The following GNG7 variants were observed in gnomAD, a reference collection of about 807,000 sequenced individuals.
GNG7 encodes guanine nucleotide-binding protein G(I)/G(S)/G(O) subunit gamma-7.
A neutral mutation model predicts 4.0 loss-of-function variants in GNG7; 1 was observed. The observed-to-expected ratio is 0.25, with a 90% confidence interval of 0.09 to 1.18. The LOEUF is 1.18. Ranked by LOEUF, GNG7 falls within the 50% of genes most tolerant of loss-of-function variation. The pLI is 0.50. For synonymous variants in GNG7, 34 were observed against 36.9 expected (o/e 0.92, Z 0.29); for missense variants, 86 against 91.9 (o/e 0.94, Z 0.26).
chr19:2,686,248 C>G (rs972736723), intron 1 of GNG7, among the ~76,000 whole-genome samples: 1 of 152,028 alleles, frequency 6.6e-6, no homozygotes, highest in Non-Finnish European at 1.5e-5. Flanking sequence ...ACCTCCGCCA[C>G]CCGCGTTCAA....
chr19:2,543,898 T>G (rs1268827843), intron 3 of GNG7, among the ~76,000 whole-genome samples: 1 of 152,136 alleles, frequency 6.6e-6, no homozygotes, highest in Non-Finnish European at 1.5e-5. Flanking sequence ...AGAAGCAACC[T>G]TCATCTGGCT....
rs758973520 is a variant in GNG7 at position 2,514,986 on chromosome 19, A to AAG, written c.*34_*35dup. ...ACAGAGACAGAGAGAGAGAGAGAGA[A>AAG]AGAGAGAGAGAGAGAGAGAACATAT... is the stretch of plus-strand genomic sequence containing the variant. On this transcript the variant is annotated 3_prime_UTR_variant, in exon 5 of 5. Transcript: ENST00000382159. 526 of 1,053,092 alleles carry AAG rather than the reference A, an allele frequency of 5.0e-4. No homozygotes were observed. Among genetic ancestry groups the AAG allele is most frequent in the Admixed American group, 1.0e-3 (44 of 43,842 alleles). The allele number at this position is 1,053,092 out of a possible 1,614,324, so 65.2% of individuals were successfully genotyped here.
intron 2 of GNG7, among the ~76,000 whole-genome samples, chr19:2,621,109 G>C (rs925857604): frequency 1.3e-5 from 2 of 152,140 alleles, no homozygotes; most frequent in African/African-American, 4.8e-5. Context: ...CACCCCAGGA[G>C]CTTCCTGAGA....
chr19:2,622,478 C>T (rs1019422355), intron 2 of GNG7, among the ~76,000 whole-genome samples: 1 of 152,256 alleles, frequency 6.6e-6, no homozygotes, highest in Admixed American at 6.5e-5. Flanking sequence ...CAGGGAAAGC[C>T]CCCGAAACTG....
intron 2 of GNG7, among the ~76,000 whole-genome samples, chr19:2,584,882 TAGAGGGAG>T (rs1409616609): frequency 1.8e-4 from 1 of 5,562 alleles, no homozygotes; most frequent in Non-Finnish European, 2.8e-4. Context: ...GAGGGAGGGA[TAGAGGGAG>T]GGAGGGAGGG....
In GNG7 at chr19:2,605,283, C is replaced by T. The variant is rs568804938; in HGVS notation, c.-78+40941G>A. ...ACACCATCTCGGCTCACTGCAACCT[C>T]CGCCTCCTGGGTTCAAGTGATTCTC... On this transcript the variant is annotated intron_variant, in intron 2 of 4. Coordinates refer to ENST00000382159, the MANE Select transcript of GNG7 (RefSeq NM_052847.3). Among the ~76,000 whole-genome samples, 696 of 152,272 alleles carry T rather than the reference C, an allele frequency of 4.6e-3. 5 individuals are homozygous for T. The highest frequency in any genetic ancestry group is 0.016 in the African/African-American group (653 of 41,560).
intron 3 of GNG7, among the ~76,000 whole-genome samples, chr19:2,552,541 CGCCT>C (rs2144758911): frequency 6.6e-6 from 1 of 151,972 alleles, no homozygotes; most frequent in South Asian, 2.1e-4. Flanking sequence ...CCCACCACCA[CGCCT>C]GGCTAATTTT....
chr19:2,601,544 G>A (rs1169993222), intron 2 of GNG7, among the ~76,000 whole-genome samples: 1 of 152,112 alleles, frequency 6.6e-6, no homozygotes, highest in Non-Finnish European at 1.5e-5. Flanking sequence ...TTTGGCAGCA[G>A]GAAAAGAGAG....
chr19:2,624,088 G>C (rs1020459738), intron 2 of GNG7, among the ~76,000 whole-genome samples: 1 of 152,048 alleles, frequency 6.6e-6, no homozygotes, highest in African/African-American at 2.4e-5. Flanking sequence ...CGGGGACAGA[G>C]ATTCAGTCTG....
intron 2 of GNG7, among the ~76,000 whole-genome samples, chr19:2,601,366 G>A (rs1981193343): frequency 6.6e-6 from 1 of 152,114 alleles, no homozygotes; most frequent in African/African-American, 2.4e-5. Context: ...CCAGTTACCA[G>A]GCAGTGTGTT....
intron 2 of GNG7, among the ~76,000 whole-genome samples, chr19:2,628,789 GC>G (rs1465859350): frequency 6.6e-6 from 1 of 152,088 alleles, no homozygotes; most frequent in Non-Finnish European, 1.5e-5. Context: ...ATGAGGTCAG[GC>G]CCACCCAGGA....
rs1290486415 is a variant in GNG7 at position 2,653,665 on chromosome 19, GC to G, written c.-134-7386del. Among the ~76,000 whole-genome samples the G allele has an allele frequency of 6.6e-6, 1 of 152,160 alleles. No homozygotes were observed. Among genetic ancestry groups the G allele is most frequent in the Non-Finnish European group, 1.5e-5 (1 of 67,998 alleles). On this transcript the variant is annotated intron_variant, in intron 1 of 4. Transcript: ENST00000382159. The surrounding 1 kb of genome is among the most constrained non-coding windows in gnomAD (Gnocchi z 4.8). Reference sequence around the variant, plus strand: ...TGCGGGGAGCTGAGCAGCGTCCCTGGCCTCCACCCACCCCATGCCAGGGGCA... The same window carrying G: ...TGCGGGGAGCTGAGCAGCGTCCCTGGCTCCACCCACCCCATGCCAGGGGCA...
rs916032208 is a variant in GNG7 at position 2,626,084 on chromosome 19, G to A, written c.-78+20140C>T. Among the ~76,000 whole-genome samples, 16 of 152,110 alleles carry A rather than the reference G, an allele frequency of 1.1e-4. 2 individuals carry two copies. The highest frequency in any genetic ancestry group is 7.2e-4 in the Admixed American group (11 of 15,274). On this transcript the variant is annotated intron_variant, in intron 2 of 4. Transcript: ENST00000382159. The surrounding 1 kb of genome is among the most constrained non-coding windows in gnomAD (Gnocchi z 5.0). ...ATGACAGGCGTGAGCCATGGCGCCC[G>A]GCCTGATTATTTCATTTACTCCCTG...
intron 2 of GNG7, among the ~76,000 whole-genome samples, chr19:2,629,941 T>C (rs1474834310): frequency 6.6e-6 from 1 of 152,152 alleles, no homozygotes; most frequent in Non-Finnish European, 1.5e-5. Flanking sequence ...GGGGAAACTG[T>C]GAAGATACAT....
intron 3 of GNG7, chr19:2,538,082 A>AAACAC (rs1555691781): frequency 6.6e-6 from 3 of 451,500 alleles, no homozygotes; most frequent in African/African-American, 2.0e-5. Context: ...CTCTCAAACA[A>AAACAC]AACAAAACAA....
chr19:2,565,988 T>C (rs1377508322), intron 2 of GNG7, among the ~76,000 whole-genome samples: 1 of 151,894 alleles, frequency 6.6e-6, no homozygotes, highest in Non-Finnish European at 1.5e-5. Context: ...TGAAACCCCG[T>C]CTCTACTAAA....
At chr19:2,631,352 T>C (rs1335005315) in intron 2 of GNG7, among the ~76,000 whole-genome samples, 3 of 152,224 alleles carry the variant, frequency 2.0e-5, no homozygotes, top group Admixed American at 2.0e-4. Context: ...ATCTGTCCAG[T>C]GACGATCATT....
At position 2,524,768 on chromosome 19, in the gene GNG7, G is replaced by A. The variant is rs1268514439; in HGVS notation, c.-37-4043C>T. On this transcript the variant is annotated intron_variant, in intron 3 of 4. Transcript: ENST00000382159. ...CACGTGTGTGGACACGGCACTGCAT[G>A]TGCGTGTGCGCACACGTGTGTGGGC... Among the ~76,000 whole-genome samples the A allele has an allele frequency of 3.9e-5, 6 of 152,092 alleles. No homozygotes were observed. The East Asian group carries it at 1.2e-3, about 29-fold the overall frequency.
intron 2 of GNG7, among the ~76,000 whole-genome samples, chr19:2,574,776 T>C (rs1980255823): frequency 6.6e-6 from 1 of 152,192 alleles, no homozygotes; most frequent in Admixed American, 6.5e-5. Context: ...TAATTCCGTG[T>C]TTACCATGTG....
Sources: allele counts gnomAD v4.1 joint callset (sites outside exome capture counted in the v4.1 genomes callset), GRCh38; gene constraint gnomAD v4.1.1; non-coding constraint Gnocchi (gnomAD v3.1); transcripts MANE v1.5; gene names NCBI Gene and HGNC (gene_info 2026-07-23, HGNC 2026-07-21).